Variants in TLK2 observed in about 807,000 individuals in gnomAD.
The protein encoded by TLK2 is tousled like kinase 2, also known as serine/threonine-protein kinase tousled-like 2.
TLK2 carries 6 observed loss-of-function variants against 117.3 expected under a neutral mutation model. The ratio of observed to expected loss-of-function variants is 0.05; its 90% confidence interval spans 0.03 to 0.10. TLK2 has a LOEUF of 0.10. TLK2 is among the 10% of genes least tolerant of loss of function. The pLI is 1.00. For synonymous variants in TLK2, 257 were observed against 316.7 expected, an observed-to-expected ratio of 0.81 and a Z score of 2.00; for missense variants, 299 against 901.2, an observed-to-expected ratio of 0.33 and a Z score of 8.56.
At chr17:62,512,213 C>CTTT (rs35913164) in intron 2 of TLK2, among the ~76,000 whole-genome samples, 27 of 40,604 alleles carry the variant, frequency 6.6e-4, no homozygotes, top group East Asian at 2.7e-3. Flanking sequence ...ATCACCCCTC[C>CTTT]TTTTTTTTTT....
At chr17:62,564,626 T>C (rs2079591123) in intron 10 of TLK2, among the ~76,000 whole-genome samples, 1 of 151,738 alleles carries the variant, frequency 6.6e-6, no homozygotes, top group South Asian at 2.1e-4. Flanking sequence ...GAGAATCGCT[T>C]GAACCCGGGA....
intron 6 of TLK2, among the ~76,000 whole-genome samples, chr17:62,529,736 A>G (rs545924458): frequency 6.6e-6 from 1 of 152,286 alleles, no homozygotes; most frequent in South Asian, 2.1e-4. Context: ...CACCACATTC[A>G]GTTTAGATAT....
intron 2 of TLK2, among the ~76,000 whole-genome samples, chr17:62,485,818 T>G (rs1225243406): frequency 7.0e-6 from 1 of 142,584 alleles, no homozygotes; most frequent in Non-Finnish European, 1.5e-5. Context: ...ATTTTCTGGT[T>G]TTTTTTTTTT....
In TLK2 at chr17:62,565,082, G is replaced by A. The variant is rs1205535292; in HGVS notation, c.913G>A (p.Gly305Arg). ...GGGCCACTTTACTACTGTCCGACAC[G>A]GAGCCTCATTTACTGAACAGTGGAC... ...RLGHFTTVRH[G>R]ASFTEQWTDG... The change falls in exon 11 of 22, where the codon GGA becomes AGA. Residue 305 changes from glycine (G) to arginine (R), a missense_variant. By Grantham distance (125) the Gly-to-Arg change is moderately radical. Coordinates refer to ENST00000346027, the MANE Select transcript of TLK2 (RefSeq NM_006852.6). 2 of 1,614,072 alleles carry A rather than the reference G, an allele frequency of 1.2e-6. No individual in the cohort carries two copies. Among genetic ancestry groups the A allele is most frequent in the South Asian group, 1.1e-5 (1 of 91,076 alleles).
At chr17:62,565,994 T>C (rs1219168250) in intron 11 of TLK2, among the ~76,000 whole-genome samples, 2 of 152,220 alleles carry the variant, frequency 1.3e-5, no homozygotes, top group Non-Finnish European at 2.9e-5. Context: ...TGTGTGCCTG[T>C]GTGCAGCTTG....
intron 9 of TLK2, among the ~76,000 whole-genome samples, chr17:62,556,456 C>T (rs2078870358): frequency 6.6e-6 from 1 of 152,146 alleles, no homozygotes; most frequent in African/African-American, 2.4e-5. Context: ...GTTAAATTTT[C>T]TCTGCCTTAC....
At chr17:62,571,590 G>A (rs2080295318) in intron 11 of TLK2, among the ~76,000 whole-genome samples, 1 of 152,154 alleles carries the variant, frequency 6.6e-6, no homozygotes, top group Non-Finnish European at 1.5e-5. Flanking sequence ...TTTGCTGTTC[G>A]ATTGATGTCT....
At chr17:62,563,668 C>G (rs1250758066) in intron 10 of TLK2, among the ~76,000 whole-genome samples, 2 of 152,128 alleles carry the variant, frequency 1.3e-5, no homozygotes, top group East Asian at 3.8e-4. Context: ...CGCGTCTGTA[C>G]TTAGAATTAC....
chr17:62,541,371 A>T (rs1198687655), intron 7 of TLK2, among the ~76,000 whole-genome samples: 1 of 152,184 alleles, frequency 6.6e-6, no homozygotes, highest in African/African-American at 2.4e-5. Context: ...CAGTGTAATT[A>T]TATGTTGCAT....
intron 11 of TLK2, among the ~76,000 whole-genome samples, chr17:62,571,948 A>G (rs1206572895): frequency 6.6e-6 from 1 of 152,264 alleles, no homozygotes; most frequent in South Asian, 2.1e-4. Context: ...CGGGTGGATC[A>G]CTTGAAGTCA....
chr17:62,481,458 G>T (rs1369633375), intron 2 of TLK2, among the ~76,000 whole-genome samples: 1 of 152,116 alleles, frequency 6.6e-6, no homozygotes, highest in Non-Finnish European at 1.5e-5. Flanking sequence ...CATGGTTCTT[G>T]TTACAAGGAA....
rs536949957 is a variant in TLK2, at chr17:62,558,294, C to G, written c.721-1722C>G. 2.6e-5 allele frequency among the ~76,000 whole-genome samples: 4 copies of G among 152,202 alleles called. No homozygotes were observed. In the East Asian group the frequency reaches 7.7e-4, roughly 29 times the overall value. The stretch of plus-strand genomic sequence containing the variant: ...AAGCAATCCTCAGCCTCCCGAACAG[C>G]TGGCATCAGAGGCGCATGCCACCAC... On this transcript the variant is annotated intron_variant, in intron 9 of 21. Transcript: ENST00000346027.
intron 11 of TLK2, among the ~76,000 whole-genome samples, chr17:62,572,038 C>T (rs767969803): frequency 6.6e-6 from 1 of 151,906 alleles, no homozygotes; most frequent in African/African-American, 2.4e-5. Context: ...GGCATGGTGG[C>T]GCACACCTGT....
chr17:62,523,043 G>A (rs998922873), intron 4 of TLK2, 91 bp from the exon 5 acceptor site: 6 of 1,291,962 alleles, frequency 4.6e-6, no homozygotes, highest in Non-Finnish European at 5.2e-6. Flanking sequence ...TTATAGCAAT[G>A]TATGTAGTTA....
chr17:62,574,334 T>C (rs760062582), intron 12 of TLK2: 13 of 1,542,290 alleles, frequency 8.4e-6, no homozygotes, highest in Non-Finnish European at 8.7e-6. Flanking sequence ...TAAATGCTTA[T>C]TTTATGCTAG....
chr17:62,567,588 T>C (rs2079897714), intron 11 of TLK2, among the ~76,000 whole-genome samples: 1 of 152,218 alleles, frequency 6.6e-6, no homozygotes, highest in Admixed American at 6.5e-5. Flanking sequence ...TCCTTCAGTA[T>C]AGAAATTGAA....
intron 2 of TLK2, among the ~76,000 whole-genome samples, chr17:62,486,241 C>G (rs2072363332): frequency 6.6e-6 from 1 of 152,128 alleles, no homozygotes; most frequent in Admixed American, 6.5e-5. Flanking sequence ...GCTGCAGCCT[C>G]TGCCTCCCAG....
At chr17:62,472,148 C>T (rs1371262878) in intron 1 of TLK2, among the ~76,000 whole-genome samples, 5 of 151,392 alleles carry the variant, frequency 3.3e-5, no homozygotes, top group Non-Finnish European at 5.9e-5. Flanking sequence ...CCTCGTGATC[C>T]GCCTGCCTCA....
intron 1 of TLK2, among the ~76,000 whole-genome samples, chr17:62,471,892 T>TTC (rs2070948051): frequency 9.0e-6 from 1 of 111,670 alleles, no homozygotes; most frequent in Middle Eastern, 3.9e-3. Flanking sequence ...TATAGTCTTT[T>TTC]TTTTTTTTTT....
Sources: gnomAD v4.1 joint callset for allele counts (sites outside exome capture counted in the v4.1 genomes callset) on GRCh38, gnomAD v4.1.1 for gene constraint, MANE v1.5 for transcripts, NCBI Gene and HGNC (gene_info 2026-07-23, HGNC 2026-07-21) for gene names.